Variants in ZNF423 observed in about 807,000 individuals in gnomAD.
ZNF423 encodes zinc finger protein 423, also known as Ebf-associated zinc finger protein.
A neutral mutation model predicts 95.8 loss-of-function variants in ZNF423; 12 were observed. That is an observed-to-expected ratio of 0.13 (90% CI 0.08 to 0.20). The LOEUF is 0.20. Ranked by LOEUF, ZNF423 falls within the 10% of genes least tolerant of loss-of-function variation. The pLI, the probability that ZNF423 is intolerant of heterozygous loss-of-function variation, is 1.00. For missense variants in ZNF423, 1,316 were observed against 1,737.1 expected, an observed-to-expected ratio of 0.76 and a Z score of 4.31; for synonymous variants, 749 against 711.9, an observed-to-expected ratio of 1.05 and a Z score of -0.83.
intron 5 of ZNF423, among the ~76,000 whole-genome samples, chr16:49,546,007 A>G (rs1270122360): frequency 1.3e-5 from 2 of 152,240 alleles, no homozygotes; most frequent in Non-Finnish European, 2.9e-5. Flanking sequence ...CATTGGTAGC[A>G]TAAGGATAGA....
chr16:49,585,646 G>A (rs1032019178), intron 5 of ZNF423, among the ~76,000 whole-genome samples: 3 of 152,188 alleles, frequency 2.0e-5, no homozygotes, highest in African/African-American at 7.2e-5. Flanking sequence ...ACAAATTACC[G>A]GCAATTAGCC....
chr16:49,526,035 C>T (rs1968591567), intron 5 of ZNF423, among the ~76,000 whole-genome samples: 1 of 152,100 alleles, frequency 6.6e-6, no homozygotes, highest in Admixed American at 6.5e-5. Flanking sequence ...GATGTGAATA[C>T]ATGGCGAGAG....
chr16:49,719,146 G>A (rs1459758009), intron 3 of ZNF423, among the ~76,000 whole-genome samples: 1 of 152,194 alleles, frequency 6.6e-6, no homozygotes, highest in African/African-American at 2.4e-5. Context: ...GCACCTCCAG[G>A]AGAAAGGCAG....
chr16:49,552,090 G>T (rs1207786907), intron 5 of ZNF423, among the ~76,000 whole-genome samples: 3 of 152,208 alleles, frequency 2.0e-5, no homozygotes, highest in Non-Finnish European at 4.4e-5. Flanking sequence ...AGATGCAATT[G>T]CCTGGGCAGC....
In ZNF423 at chr16:49,689,894, C is replaced by T. The variant is rs539098014; in HGVS notation, c.301+40877G>A. 3.9e-5 allele frequency among the ~76,000 whole-genome samples: 6 copies of T among 152,306 alleles called. No homozygotes were observed. The South Asian group carries it at 8.3e-4, about 21-fold the overall frequency. ...TCACAAGTCCTGAAAGGCTCCCAGG[C>T]AGTGACCCAGCTCTGCCACCAGATA... On this transcript the variant is annotated intron_variant, in intron 3 of 7. Coordinates refer to ENST00000563137, the MANE Select transcript of ZNF423 (RefSeq NM_001379286.1).
At chr16:49,806,299 G>A (rs980812630) in intron 1 of ZNF423, among the ~76,000 whole-genome samples, 1 of 152,236 alleles carries the variant, frequency 6.6e-6, no homozygotes, top group Non-Finnish European at 1.5e-5. Flanking sequence ...TCAGGAACCT[G>A]ACAGTGGGCA....
At chr16:49,659,058 T>G (rs1405698491) in intron 3 of ZNF423, among the ~76,000 whole-genome samples, 1 of 152,230 alleles carries the variant, frequency 6.6e-6, no homozygotes, top group Non-Finnish European at 1.5e-5. Context: ...CATATTAGTC[T>G]TTGATGTTTT....
At chr16:49,840,771 T>C (rs1363771698) in intron 1 of ZNF423, among the ~76,000 whole-genome samples, 3 of 151,706 alleles carry the variant, frequency 2.0e-5, no homozygotes, top group African/African-American at 7.3e-5. Flanking sequence ...ACCCAACAGG[T>C]ACCCACACAG....
chr16:49,616,800 A>G (rs1338629316), intron 5 of ZNF423, among the ~76,000 whole-genome samples: 1 of 152,148 alleles, frequency 6.6e-6, no homozygotes, highest in Non-Finnish European at 1.5e-5. Flanking sequence ...CTCTGAGCTG[A>G]TAAGCACTGA....
At chr16:49,538,169 G>T (rs1416393483) in intron 5 of ZNF423, among the ~76,000 whole-genome samples, 1 of 152,122 alleles carries the variant, frequency 6.6e-6, no homozygotes, top group Non-Finnish European at 1.5e-5. Flanking sequence ...GTAAAGAATG[G>T]GCTCATTGCT....
chr16:49,839,136 T>A (rs1257405085), intron 1 of ZNF423, among the ~76,000 whole-genome samples: 1 of 82,562 alleles, frequency 1.2e-5, no homozygotes, highest in African/African-American at 4.9e-5. Context: ...CCCCTTCCCC[T>A]CCCCCGCGGT....
At chr16:49,647,972 T>C (rs1013161518) in intron 3 of ZNF423, among the ~76,000 whole-genome samples, 2 of 152,172 alleles carry the variant, frequency 1.3e-5, no homozygotes, top group Non-Finnish European at 2.9e-5. Flanking sequence ...AGGAGTATGA[T>C]TTATTTAAAA....
intron 1 of ZNF423, among the ~76,000 whole-genome samples, chr16:49,813,448 A>G (rs2034786324): frequency 6.6e-6 from 1 of 152,076 alleles, no homozygotes. Flanking sequence ...AACCGCCCCT[A>G]ACCCTAACCT....
intron 5 of ZNF423, among the ~76,000 whole-genome samples, chr16:49,561,322 A>G (rs756335806): frequency 4.6e-5 from 7 of 152,204 alleles, no homozygotes; most frequent in Non-Finnish European, 8.8e-5. Flanking sequence ...AATATTTACC[A>G]ACTATATTGT....
chr16:49,773,606 T>A (rs1197377371), intron 2 of ZNF423, among the ~76,000 whole-genome samples: 3 of 152,162 alleles, frequency 2.0e-5, no homozygotes, highest in African/African-American at 7.2e-5. Context: ...CTATCTATGT[T>A]GAAGGAAGTT....
chr16:49,491,563 T>A (rs1255364865), intron 7 of ZNF423, among the ~76,000 whole-genome samples: 7 of 148,238 alleles, frequency 4.7e-5, no homozygotes, highest in Admixed American at 6.7e-5. Flanking sequence ...TTTTTTTTTT[T>A]AAAGACCATT....
chr16:49,798,713 A>G (rs1157308385), intron 1 of ZNF423, among the ~76,000 whole-genome samples: 1 of 152,224 alleles, frequency 6.6e-6, no homozygotes, highest in Admixed American at 6.5e-5. Context: ...CGGCGCTTGT[A>G]TAACAGGCAA....
intron 5 of ZNF423, among the ~76,000 whole-genome samples, chr16:49,570,063 G>A (rs1159199654): frequency 6.6e-6 from 1 of 152,144 alleles, no homozygotes; most frequent in Non-Finnish European, 1.5e-5. Context: ...ATGGACTATG[G>A]CTGTTAAACA....
chr16:49,818,231 T>A (rs79541260), intron 1 of ZNF423, among the ~76,000 whole-genome samples: 1 of 152,052 alleles, frequency 6.6e-6, no homozygotes, highest in African/African-American at 2.4e-5. Flanking sequence ...AGCAAAGCCA[T>A]ATAAAAATAC....
Sources: gnomAD v4.1 joint callset for allele counts (sites outside exome capture counted in the v4.1 genomes callset) on GRCh38, gnomAD v4.1.1 for gene constraint, MANE v1.5 for transcripts, NCBI Gene and HGNC (gene_info 2026-07-23, HGNC 2026-07-21) for gene names.